CYP4A11: variants seen among roughly 807,000 people sequenced by gnomAD.
CYP4A11 encodes the protein cytochrome P450 family 4 subfamily A member 11.
Under a neutral mutation model 57.7 loss-of-function variants are expected in CYP4A11, and 52 were observed. That is an observed-to-expected ratio of 0.90 (90% CI 0.72 to 1.14). CYP4A11 has a LOEUF of 1.14. CYP4A11 is among the 50% of genes most tolerant of loss of function. CYP4A11 has a pLI of 0.00. For synonymous variants in CYP4A11, 228 were observed against 247.1 expected, an observed-to-expected ratio of 0.92 and a Z score of 0.72; for missense variants, 641 against 642.1, an observed-to-expected ratio of 1.00 and a Z score of 0.02.
intron 1 of CYP4A11, chr1:46,940,999 C>T: frequency 1.0e-6 from 1 of 985,280 alleles, no homozygotes; most frequent in Non-Finnish European, 1.2e-6. Flanking sequence ...TGCCAAGACA[C>T]ACTTGATATC....
rs1202868022 is a variant in CYP4A11 at position 46,936,791 on chromosome 1, C to A, written c.383G>T (p.Gly128Val). The A allele has an allele frequency of 2.5e-6, 4 of 1,603,184 alleles. No individual in the cohort carries two copies. Among genetic ancestry groups the A allele is most frequent in the Non-Finnish European group, 3.4e-6 (4 of 1,176,716 alleles). Residue 128 changes from glycine to valine, a missense_variant and splice_region_variant, in exon 4 of 12, where the codon GGG becomes GTG. Coordinates refer to ENST00000310638, the MANE Select transcript of CYP4A11 (RefSeq NM_000778.4). ...GSYRFLAPWI[G>V]YGLLLLNGQT... ...CCCATTCAACAGGAGCAAGCCGTAC[C>A]CTAAGAGAGACATGAATGTGTGTTT...
intron 2 of CYP4A11, among the ~76,000 whole-genome samples, chr1:46,937,552 G>C (rs748077800): frequency 9.9e-5 from 15 of 152,144 alleles, no homozygotes; most frequent in Non-Finnish European, 1.6e-4. Flanking sequence ...ACATCCAGAG[G>C]GTTAGGAAGG....
chr1:46,933,672 C>T (rs1254309598), intron 9 of CYP4A11, among the ~76,000 whole-genome samples: 1 of 152,240 alleles, frequency 6.6e-6, no homozygotes, highest in Non-Finnish European at 1.5e-5. Flanking sequence ...GTCTGATTCT[C>T]TTTCCAGCCC....
Position 46,932,807 on chromosome 1 carries a change from A to T in CYP4A11, c.1318T>A (p.Ser440Thr). The T allele has an allele frequency of 6.2e-7, 1 of 1,614,226 alleles. No individual in the cohort carries two copies. The highest frequency in any genetic ancestry group is 8.5e-7 in the Non-Finnish European group (1 of 1,180,052). The change falls in exon 11 of 12, where the codon TCT (serine) becomes ACT (threonine). Residue 440 changes from serine to threonine, a missense_variant. Transcript: ENST00000310638. The stretch of plus-strand genomic sequence containing the variant: ...AGGAAAGCGTGGCTGTGTTGAGCAG[A>T]ACCCGGTGCAAAACGGAAAGGGTCA... ...VFDPFRFAPGSAQHSHAFLPF... is the reference protein window; with the variant it reads ...VFDPFRFAPGTAQHSHAFLPF...
At chr1:46,936,925 A>C (rs533023360) in intron 3 of CYP4A11, 134 bp from the exon 4 acceptor site, 75 of 1,430,818 alleles carry the variant, frequency 5.2e-5, no homozygotes, top group Middle Eastern at 1.8e-4. Flanking sequence ...AACTATCCAG[A>C]AGAAGCCACG....
chr1:46,935,155 C>A lies in CYP4A11; in HGVS notation c.636-1G>T. 6.2e-7 allele frequency: 1 copy of A among 1,613,196 alleles called. No homozygotes were observed. The highest frequency in any genetic ancestry group is 8.5e-7 in the Non-Finnish European group (1 of 1,179,374). On this transcript the variant is annotated splice_acceptor_variant, in intron 5 of 11. Coordinates refer to ENST00000310638, the MANE Select transcript of CYP4A11 (RefSeq NM_000778.4). LOFTEE classifies it high-confidence loss of function. ...GGCCTGTATGTAGGACTGAGAATTC[C>A]TGAGGGAGAGTATGAAGAAGGGACT... is the stretch of plus-strand genomic sequence containing the variant.
chr1:46,937,080 T>C (rs1681453477), intron 3 of CYP4A11, among the ~76,000 whole-genome samples: 1 of 152,144 alleles, frequency 6.6e-6, no homozygotes, highest in Non-Finnish European at 1.5e-5. Context: ...AGGCCAAGGA[T>C]GTCTGGAGAG....
At chr1:46,941,190 A>G (rs1372271331) in intron 1 of CYP4A11, 49 bp downstream of exon 1, 1 of 1,572,340 alleles carries the variant, frequency 6.4e-7, no homozygotes, top group East Asian at 2.3e-5. Flanking sequence ...AGGGTCTCAG[A>G]GCCCCATCCC....
At chr1:46,937,885 G>A (rs577550859) in intron 2 of CYP4A11, 111 bp downstream of exon 2, 4 of 1,512,822 alleles carry the variant, frequency 2.6e-6, no homozygotes, top group East Asian at 4.6e-5. Flanking sequence ...GCGTGGGAGA[G>A]GTTTCAGATA....
chr1:46,930,448 G>A (rs1281151268), intron 11 of CYP4A11, 138 bp from the exon 12 acceptor site: 3 of 977,122 alleles, frequency 3.1e-6, no homozygotes, highest in Non-Finnish European at 4.5e-6. Flanking sequence ...CACACATACA[G>A]CCCATGGACA....
chr1:46,939,984 C>T (rs1482917498), intron 1 of CYP4A11, among the ~76,000 whole-genome samples: 2 of 151,304 alleles, frequency 1.3e-5, no homozygotes, highest in African/African-American at 4.9e-5. Flanking sequence ...GCCTCAGTTC[C>T]CTGCAACCCC....
intron 6 of CYP4A11, 59 bp downstream of exon 6, chr1:46,934,941 A>C (rs1681282103): frequency 1.3e-5 from 20 of 1,583,354 alleles, no homozygotes; most frequent in Non-Finnish European, 1.6e-5. Flanking sequence ...CTGAGGAGTC[A>C]GGGCAAGTTC....
chr1:46,935,679 T>A (rs1157210529), intron 4 of CYP4A11, 32 bp from the exon 5 acceptor site: 1 of 1,596,014 alleles, frequency 6.3e-7, no homozygotes, highest in African/African-American at 1.3e-5. Context: ...ACCTTCTTAA[T>A]CTCCAAGAAG....
intron 3 of CYP4A11, among the ~76,000 whole-genome samples, chr1:46,937,019 G>A (rs1386449453): frequency 2.0e-5 from 3 of 152,188 alleles, no homozygotes; most frequent in Non-Finnish European, 4.4e-5. Context: ...GATTATGACA[G>A]CTGTGAGATA....
chr1:46,929,945 G>T lies in CYP4A11; in HGVS notation c.*170C>A, dbSNP rs59465754. On this transcript the variant is annotated 3_prime_UTR_variant, in exon 12 of 12. Transcript: ENST00000310638. Reference sequence around the variant, plus strand: ...GATACAGGTGGGTAGGAGACAGGTAGACAAGCAGGTAGGGAGCCTGGAGAA... The same window carrying T: ...GATACAGGTGGGTAGGAGACAGGTATACAAGCAGGTAGGGAGCCTGGAGAA... The T allele has an allele frequency of 6.5e-3, 6,062 of 939,200 alleles. 92 individuals are homozygous for T. Among genetic ancestry groups the T allele is most frequent in the East Asian group, 0.061 (2,301 of 37,796 alleles). 58.2% of individuals were successfully genotyped at this position (939,200 alleles called of 1,614,324 possible).
At chr1:46,936,344 G>A (rs1389923640) in intron 4 of CYP4A11, among the ~76,000 whole-genome samples, 1 of 152,218 alleles carries the variant, frequency 6.6e-6, no homozygotes, top group Non-Finnish European at 1.5e-5. Context: ...GCCAGCATAG[G>A]AAGTCCTACT....
chr1:46,940,448 T>G (rs911938243), intron 1 of CYP4A11, among the ~76,000 whole-genome samples: 1 of 152,128 alleles, frequency 6.6e-6, no homozygotes, highest in Non-Finnish European at 1.5e-5. Context: ...ATTTTGCTGA[T>G]TGCCGGGGCA....
At chr1:46,940,620 G>C in intron 1 of CYP4A11, 3 of 970,368 alleles carry the variant, frequency 3.1e-6, no homozygotes, top group Non-Finnish European at 3.7e-6. Context: ...ACCCATAATT[G>C]TCAGGTTTTC....
intron 4 of CYP4A11, 69 bp downstream of exon 4, chr1:46,936,595 T>A (rs1209094683): frequency 6.7e-7 from 1 of 1,500,190 alleles, no homozygotes; most frequent in Non-Finnish European, 8.9e-7. Flanking sequence ...GGACACAGGG[T>A]TGAGAGTGGA....
Sources: allele counts gnomAD v4.1 joint callset (sites outside exome capture counted in the v4.1 genomes callset), GRCh38; gene constraint gnomAD v4.1.1; transcripts MANE v1.5; gene names NCBI Gene and HGNC (gene_info 2026-07-23, HGNC 2026-07-21).